TNIK: variants seen among roughly 807,000 people sequenced by gnomAD.
The protein encoded by TNIK is TRAF2 and NCK interacting kinase.
Under a neutral mutation model 191.3 loss-of-function variants are expected in TNIK, and 49 were observed. That is an observed-to-expected ratio of 0.26 (90% CI 0.20 to 0.32). The LOEUF is 0.32. Ranked by LOEUF, TNIK falls within the 10% of genes least tolerant of loss-of-function variation. The pLI is 1.00. For synonymous variants in TNIK, 594 were observed against 600.9 expected (o/e 0.99, Z 0.17); for missense variants, 1,155 against 1,702.3 (o/e 0.68, Z 5.66).
chr3:171,068,317 G>A (rs370952980), intron 30 of TNIK, among the ~76,000 whole-genome samples: 1 of 152,116 alleles, frequency 6.6e-6, no homozygotes, highest in African/African-American at 2.4e-5. Flanking sequence ...TTACAGATGC[G>A]AAAGCTGAGG....
Position 171,138,172 on chromosome 3 carries a change from G to A in TNIK, c.1608+19C>T. 2 of 1,562,006 alleles carry A rather than the reference G, an allele frequency of 1.3e-6. No homozygotes were observed. The highest frequency in any genetic ancestry group is 1.7e-6 in the Non-Finnish European group (2 of 1,157,388). On this transcript the variant is annotated intron_variant, in intron 15 of 32. Coordinates refer to ENST00000436636, the MANE Select transcript of TNIK (RefSeq NM_015028.4). ...TCAAAAGCCTGGCCAACAGGGTGAG[G>A]CTACCCTTGCTTACTTACCTCCTTG...
chr3:171,279,821 T>A (rs1289637093), intron 2 of TNIK, among the ~76,000 whole-genome samples: 1 of 152,106 alleles, frequency 6.6e-6, no homozygotes, highest in Admixed American at 6.6e-5. Flanking sequence ...TACAGAGAGA[T>A]TATTTAAATT....
intron 20 of TNIK, among the ~76,000 whole-genome samples, chr3:171,107,760 A>G (rs1034114691): frequency 1.3e-5 from 2 of 152,228 alleles, no homozygotes; most frequent in Admixed American, 6.5e-5. Context: ...TTTAACTGCT[A>G]CTTTCAACAT....
chr3:171,082,210 C>A, intron 27 of TNIK, 41 bp downstream of exon 27: 1 of 1,597,304 alleles, frequency 6.3e-7, no homozygotes, highest in Non-Finnish European at 8.5e-7. Context: ...ATCCCTTTCC[C>A]GCTGTATGGA....
chr3:171,078,198 CT>C (rs1157659068), intron 28 of TNIK, among the ~76,000 whole-genome samples: 2 of 152,040 alleles, frequency 1.3e-5, no homozygotes, highest in Non-Finnish European at 2.9e-5. Flanking sequence ...TCAGTGAATC[CT>C]CTTAATATGG....
chr3:171,124,952 G>A (rs1181601888), intron 17 of TNIK, among the ~76,000 whole-genome samples: 1 of 151,252 alleles, frequency 6.6e-6, no homozygotes, highest in Non-Finnish European at 1.5e-5. Flanking sequence ...TTTTTCTGAT[G>A]GCATTTCTGC....
intron 4 of TNIK, among the ~76,000 whole-genome samples, chr3:171,208,151 T>C (rs527377740): frequency 2.6e-5 from 4 of 152,080 alleles, no homozygotes; most frequent in African/African-American, 9.6e-5. Flanking sequence ...GGCAAGAAAG[T>C]GAGACAAAAA....
Position 171,126,079 on chromosome 3 carries a change from T to C in TNIK, c.1846A>G (p.Thr616Ala), listed in dbSNP as rs534945696. 2 of 1,611,888 alleles carry C rather than the reference T, an allele frequency of 1.2e-6. No individual in the cohort carries two copies. Among genetic ancestry groups the C allele is most frequent in the Non-Finnish European group, 1.7e-6 (2 of 1,178,698 alleles). ...TASQSVHEQP[T>A]KGLSGFQEAL... ...TCCTGAAACCCAGAGAGGCCCTTTG[T>C]GGGCTGCTCGTGCACTGACTGGGAG... The change falls in exon 17 of 33, where the codon ACA becomes GCA. Residue 616 changes from threonine to alanine, a missense_variant. By Grantham distance (58) the Thr-to-Ala change is moderately conservative. This residue lies in a region of TNIK where 735 missense variants were observed against 848.0 expected (regional missense o/e 0.87). Coordinates refer to ENST00000436636, the MANE Select transcript of TNIK (RefSeq NM_015028.4).
At chr3:171,155,418 C>CTGGAATA (rs1309296860) in intron 12 of TNIK, among the ~76,000 whole-genome samples, 1 of 152,242 alleles carries the variant, frequency 6.6e-6, no homozygotes, top group Non-Finnish European at 1.5e-5. Flanking sequence ...AAAGAGAAAG[C>CTGGAATA]TGGAATAATC....
intron 1 of TNIK, among the ~76,000 whole-genome samples, chr3:171,401,031 G>T (rs187672251): frequency 6.6e-6 from 1 of 152,288 alleles, no homozygotes; most frequent in East Asian, 1.9e-4. Flanking sequence ...TATCTAGTTG[G>T]AAGCTAGTGA....
At chr3:171,397,850 G>A (rs1305351407) in intron 1 of TNIK, among the ~76,000 whole-genome samples, 1 of 151,614 alleles carries the variant, frequency 6.6e-6, no homozygotes, top group African/African-American at 2.4e-5. Flanking sequence ...TTTCTTTTAT[G>A]CTTATTTCTG....
chr3:171,325,596 A>G (rs1335382774), intron 2 of TNIK, among the ~76,000 whole-genome samples: 2 of 152,186 alleles, frequency 1.3e-5, no homozygotes, highest in East Asian at 3.8e-4. Flanking sequence ...TAGTTATGGA[A>G]CACACTTATC....
chr3:171,109,785 C>G (rs1725563096), intron 19 of TNIK, among the ~76,000 whole-genome samples: 3 of 152,282 alleles, frequency 2.0e-5, no homozygotes, highest in Admixed American at 6.5e-5. Flanking sequence ...GTATCAGCAC[C>G]TGGAAATAAT....
At chr3:171,177,146 T>G (rs1736062654) in intron 8 of TNIK, among the ~76,000 whole-genome samples, 180 bp downstream of exon 8, 1 of 152,038 alleles carries the variant, frequency 6.6e-6, no homozygotes, top group Admixed American at 6.6e-5. Context: ...ATTCTCCCAC[T>G]GCTCTGAAAT....
At position 171,415,062 on chromosome 3, in the gene TNIK, G is replaced by T. The variant is rs376843752; in HGVS notation, c.57+44945C>A. Among the ~76,000 whole-genome samples, 3 of 152,084 alleles carry T rather than the reference G, an allele frequency of 2.0e-5. No homozygotes were observed. In the East Asian group the frequency reaches 5.8e-4, roughly 29 times the overall value. On this transcript the variant is annotated intron_variant, in intron 1 of 32. Transcript: ENST00000436636. ...GCTCCCCCTTCCTTACTGCCCTCCA[G>T]TTGCCCAACCCGCTGCCTGGCTCTT...
chr3:171,113,218 A>G (rs903346469), intron 18 of TNIK, among the ~76,000 whole-genome samples: 6 of 152,050 alleles, frequency 3.9e-5, no homozygotes, highest in African/African-American at 7.3e-5. Flanking sequence ...TAGCTTGTGG[A>G]GTCTTTGTAT....
chr3:171,176,500 T>G (rs1244457936), intron 8 of TNIK, among the ~76,000 whole-genome samples: 4 of 152,176 alleles, frequency 2.6e-5, no homozygotes, highest in Admixed American at 6.5e-5. Context: ...GTCATCAGAT[T>G]GCTATGCAAG....
At chr3:171,264,003 GATTTT>G (rs1029461336) in intron 2 of TNIK, among the ~76,000 whole-genome samples, 10 of 151,018 alleles carry the variant, frequency 6.6e-5, no homozygotes, top group Non-Finnish European at 1.2e-4. Context: ...GAGTTTGTGA[GATTTT>G]ATTTTATATA....
At chr3:171,281,224 A>G (rs550386742) in intron 2 of TNIK, among the ~76,000 whole-genome samples, 2 of 152,178 alleles carry the variant, frequency 1.3e-5, no homozygotes, top group Non-Finnish European at 2.9e-5. Context: ...AAGCATTGTA[A>G]TAGAAGAGAA....
Sources: gnomAD v4.1 joint callset for allele counts (sites outside exome capture counted in the v4.1 genomes callset) on GRCh38, gnomAD v4.1.1 for gene constraint, gnomAD v4.1.1 regional missense constraint, MANE v1.5 for transcripts, NCBI Gene and HGNC (gene_info 2026-07-23, HGNC 2026-07-21) for gene names.